PRTG: variants seen among roughly 807,000 people sequenced by gnomAD.
PRTG encodes the protein protogenin, also known as immunoglobulin superfamily, DCC subclass, member 5.
PRTG carries 67 observed loss-of-function variants against 122.5 expected under a neutral mutation model. The observed-to-expected ratio is 0.55, with a 90% CI of 0.45 to 0.67. The LOEUF (loss-of-function observed/expected upper bound fraction) is 0.67, where lower values mean the gene tolerates loss of function less well. Ranked by LOEUF, PRTG falls within the 30% of genes least tolerant of loss-of-function variation. The pLI, the probability that PRTG is intolerant of heterozygous loss-of-function variation, is 0.00. For synonymous variants in PRTG, 554 were observed against 501.1 expected (o/e 1.11, Z -1.41); for missense variants, 1,435 against 1,415.4 (o/e 1.01, Z -0.22).
intron 6 of PRTG, 198 bp from the exon 7 acceptor site, chr15:55,679,643 C>A: frequency 2.0e-6 from 1 of 507,506 alleles, no homozygotes; most frequent in Non-Finnish European, 3.5e-6. Flanking sequence ...CATGATTTCC[C>A]TATTCAGAGC....
chr15:55,704,725 A>C (rs551061436), intron 2 of PRTG, among the ~76,000 whole-genome samples: 1 of 152,316 alleles, frequency 6.6e-6, no homozygotes, highest in Non-Finnish European at 1.5e-5. Context: ...CAATTAGTCT[A>C]CTTATGACAT....
intron 11 of PRTG, among the ~76,000 whole-genome samples, chr15:55,653,750 C>T (rs975210719): frequency 6.6e-6 from 1 of 152,204 alleles, no homozygotes; most frequent in African/African-American, 2.4e-5. Context: ...AGGCGTCAGC[C>T]ACTGCGCCCG....
chr15:55,639,130 C>A (rs1208397644), intron 13 of PRTG, among the ~76,000 whole-genome samples: 10 of 152,140 alleles, frequency 6.6e-5, no homozygotes. Flanking sequence ...CACCACTATA[C>A]CTGGCTGATA....
At chr15:55,633,191 T>A (rs144842525) in intron 15 of PRTG, among the ~76,000 whole-genome samples, 2 of 152,148 alleles carry the variant, frequency 1.3e-5, no homozygotes, top group African/African-American at 4.8e-5. Flanking sequence ...TAAAAAGAAT[T>A]GAGCAGTTTG....
At chr15:55,740,794 T>C (rs1416589222) in intron 1 of PRTG, 110 bp from the exon 2 acceptor site, 2 of 901,200 alleles carry the variant, frequency 2.2e-6, no homozygotes, top group Non-Finnish European at 3.3e-6. Flanking sequence ...CGAAGTTTAA[T>C]AAATTTTATT....
chr15:55,651,778 C>T (rs528717310), intron 11 of PRTG, among the ~76,000 whole-genome samples: 5 of 152,184 alleles, frequency 3.3e-5, no homozygotes, highest in African/African-American at 1.2e-4. Context: ...GCAAGCAGGT[C>T]GGGGTTAGAT....
intron 7 of PRTG, 126 bp from the exon 8 acceptor site, chr15:55,678,170 G>T: frequency 1.6e-6 from 1 of 637,338 alleles, no homozygotes; most frequent in Non-Finnish European, 2.6e-6. Flanking sequence ...TCAAGCATTT[G>T]TAGAACACTG....
At chr15:55,709,577 A>G (rs1159136105) in intron 2 of PRTG, among the ~76,000 whole-genome samples, 1 of 152,082 alleles carries the variant, frequency 6.6e-6, no homozygotes, top group African/African-American at 2.4e-5. Flanking sequence ...TGACTTATAC[A>G]TGAATATTCC....
In PRTG at chr15:55,742,507, G is replaced by A. The variant is rs1056083194; in HGVS notation, c.94+331C>T. ...GGCCGGTCGCGGAGGCGCGGACGCG[G>A]CCGGAGCCGGGACAATGGCGCGAGA... On this transcript the variant is annotated intron_variant, in intron 1 of 19. Coordinates refer to ENST00000389286, the MANE Select transcript of PRTG (RefSeq NM_173814.6). 30 of 259,558 alleles carry A rather than the reference G, an allele frequency of 1.2e-4. No homozygotes were observed. The Middle Eastern group carries it at 4.6e-3, about 40-fold the overall frequency. The allele number at this position is 259,558 out of a possible 1,614,324, so 16.1% of individuals were successfully genotyped here. A position where few individuals can be genotyped will look rare whatever the true frequency, so the allele number is the denominator to read the frequency against.
chr15:55,646,327 C>CT (rs368603650), intron 11 of PRTG, among the ~76,000 whole-genome samples: 11,733 of 127,538 alleles, frequency 0.092, 519 homozygotes, highest in Non-Finnish European at 0.11. Context: ...CCTCAATTCT[C>CT]TTTTTTTTTT....
At chr15:55,627,167 A>G in intron 16 of PRTG, 39 bp from the exon 17 acceptor site, 1 of 1,453,430 alleles carries the variant, frequency 6.9e-7, no homozygotes. Flanking sequence ...TCAATCAGAA[A>G]AATAAATTAT....
chr15:55,679,308 CA>C lies in PRTG; in HGVS notation c.1110del (p.Asn370LysfsTer12). Reference sequence around the variant, plus strand: ...TACCTGTTGTACATTTTAATTCTACCATTCGAATGTATCTTCCTTCCATTTT... The same window carrying C: ...TACCTGTTGTACATTTTAATTCTACCTTCGAATGTATCTTCCTTCCATTTT... ...WLKNGRKIHS[N>X]GRIKMYNSKL... On this transcript the variant is annotated frameshift_variant, in exon 7 of 20. Transcript: ENST00000389286. LOFTEE classifies it high-confidence loss of function. 1 of 1,611,842 alleles carries C rather than the reference CA, an allele frequency of 6.2e-7. No individual in the cohort carries two copies. The highest frequency in any genetic ancestry group is 8.5e-7 in the Non-Finnish European group (1 of 1,178,304).
chr15:55,702,842 C>A lies in PRTG; in HGVS notation c.398-18911G>T, dbSNP rs1001452628. The A allele has an allele frequency of 7.7e-6, 7 of 907,782 alleles. No homozygotes were observed. In the South Asian group the frequency reaches 3.0e-4, roughly 39 times the overall value. 56.2% of individuals were successfully genotyped at this position (907,782 alleles called of 1,614,324 possible). A position where few individuals can be genotyped will look rare whatever the true frequency, so the allele number is the denominator to read the frequency against. Reference sequence around the variant, plus strand: ...CACAACCTGAAAAGCCCAGCCTAACCCTCTGCCTCTTGATGCCAGTGGCAC... The same window carrying A: ...CACAACCTGAAAAGCCCAGCCTAACACTCTGCCTCTTGATGCCAGTGGCAC... On this transcript the variant is annotated intron_variant, in intron 2 of 19. Coordinates refer to ENST00000389286, the MANE Select transcript of PRTG (RefSeq NM_173814.6).
rs59456189 is a variant in PRTG at position 55,625,609 on chromosome 15, T to A, written c.2928-1102A>T. ...TACGACTACAGTCACATGCCCACTA[T>A]GCTCAGCTAATTTTAACTTTTTTTT... On this transcript the variant is annotated intron_variant, in intron 17 of 19. Coordinates refer to ENST00000389286, the MANE Select transcript of PRTG (RefSeq NM_173814.6). Among the ~76,000 whole-genome samples, 442 of 151,558 alleles carry A rather than the reference T, an allele frequency of 2.9e-3. 4 individuals are homozygous for A. The highest frequency in any genetic ancestry group is 0.011 in the African/African-American group (437 of 41,140).
intron 11 of PRTG, among the ~76,000 whole-genome samples, chr15:55,659,772 A>G (rs2059399464): frequency 6.6e-6 from 1 of 151,958 alleles, no homozygotes; most frequent in South Asian, 2.1e-4. Context: ...ACACAAAATT[A>G]GCTGGGCGTA....
At chr15:55,622,969 T>C (rs1207023584) in intron 18 of PRTG, among the ~76,000 whole-genome samples, 2 of 152,130 alleles carry the variant, frequency 1.3e-5, no homozygotes, top group Non-Finnish European at 2.9e-5. Context: ...AAAAGAGAAA[T>C]AGCAAATATT....
chr15:55,734,897 T>C (rs1407457965), intron 2 of PRTG, among the ~76,000 whole-genome samples: 3 of 152,206 alleles, frequency 2.0e-5, no homozygotes, highest in Non-Finnish European at 4.4e-5. Flanking sequence ...TGAAGATAAT[T>C]TGGTATGTTT....
intron 2 of PRTG, among the ~76,000 whole-genome samples, chr15:55,696,130 G>A (rs1056905778): frequency 2.0e-5 from 3 of 152,048 alleles, no homozygotes; most frequent in Non-Finnish European, 4.4e-5. Flanking sequence ...TGGGTGTGGT[G>A]GCCTGTGTCT....
chr15:55,637,653 A>C (rs781676308), intron 14 of PRTG, among the ~76,000 whole-genome samples: 2 of 152,128 alleles, frequency 1.3e-5, no homozygotes, highest in Non-Finnish European at 2.9e-5. Flanking sequence ...GCACCTGTCC[A>C]TCAGATATTG....
Sources: allele counts gnomAD v4.1 joint callset (sites outside exome capture counted in the v4.1 genomes callset), GRCh38; gene constraint gnomAD v4.1.1; transcripts MANE v1.5; gene names NCBI Gene and HGNC (gene_info 2026-07-23, HGNC 2026-07-21).